TRHDE: variants seen among roughly 807,000 people sequenced by gnomAD.
TRHDE encodes thyrotropin releasing hormone degrading enzyme.
In TRHDE, 72 loss-of-function variants were observed where a neutral mutation model predicts 125.7. That is an observed-to-expected ratio of 0.57 (90% confidence interval 0.47 to 0.70). The LOEUF (loss-of-function observed/expected upper bound fraction) is 0.70. TRHDE is among the 30% of genes least tolerant of loss of function. The pLI is 0.00. For missense variants in TRHDE, 1,110 were observed against 1,327.1 expected, an observed-to-expected ratio of 0.84 and a Z score of 2.54; for synonymous variants, 509 against 509.1, an observed-to-expected ratio of 1.00 and a Z score of 0.00.
At chr12:72,388,819 G>T (rs868415395) in intron 3 of TRHDE, among the ~76,000 whole-genome samples, 16 of 151,426 alleles carry the variant, frequency 1.1e-4, no homozygotes, top group African/African-American at 3.2e-4. Flanking sequence ...CTATGGTGAG[G>T]CTATTAAAGA....
intron 3 of TRHDE, among the ~76,000 whole-genome samples, chr12:72,429,256 A>G (rs1874323799): frequency 6.6e-6 from 1 of 151,768 alleles, no homozygotes; most frequent in South Asian, 2.1e-4. Context: ...TGACAGGTTG[A>G]TGGGTGCAGC....
In TRHDE at chr12:72,666,479, A is replaced by G. The variant is rs1875117675; in HGVS notation, c.*3284A>G. 1 of 151,994 alleles carries G rather than the reference A, an allele frequency of 6.6e-6. No individual in the cohort carries two copies. The highest frequency in any genetic ancestry group is 2.4e-5 in the African/African-American group (1 of 41,398). The allele number at this position is 151,994 out of a possible 1,614,324, so 9.4% of individuals were successfully genotyped here. A position where few individuals can be genotyped will look rare whatever the true frequency, so the allele number is the denominator to read the frequency against. On this transcript the variant is annotated 3_prime_UTR_variant, in exon 19 of 19. Transcript: ENST00000261180. ...GAGGTGGGAGAATTATTTAAGTCCAAAAGTTCAGTGCTCTAGTGAGCTATG... is the reference window on the plus strand; with the variant it reads ...GAGGTGGGAGAATTATTTAAGTCCAGAAGTTCAGTGCTCTAGTGAGCTATG...
intron 2 of TRHDE, among the ~76,000 whole-genome samples, chr12:72,166,200 T>C (rs1402035623): frequency 2.0e-5 from 3 of 152,150 alleles, no homozygotes; most frequent in African/African-American, 7.2e-5. Flanking sequence ...AGAAAAAGTA[T>C]AGTAAAAATA....
At chr12:72,293,264 A>T (rs374506443) in intron 2 of TRHDE, among the ~76,000 whole-genome samples, 2 of 151,716 alleles carry the variant, frequency 1.3e-5, no homozygotes, top group Non-Finnish European at 2.9e-5. Flanking sequence ...TGTCAGATTC[A>T]TAGTTTGTGA....
At chr12:72,612,931 G>A (rs1872686632) in intron 12 of TRHDE, among the ~76,000 whole-genome samples, 1 of 152,094 alleles carries the variant, frequency 6.6e-6, no homozygotes, top group Non-Finnish European at 1.5e-5. Context: ...ATTATCTTTG[G>A]AAATACAGAA....
chr12:72,649,282 A>C (rs1215008097), intron 15 of TRHDE, among the ~76,000 whole-genome samples: 1 of 151,950 alleles, frequency 6.6e-6, no homozygotes, highest in Non-Finnish European at 1.5e-5. Flanking sequence ...AAATACACAA[A>C]AAGATAAAAA....
chr12:72,638,525 G>A (rs1176382916), intron 15 of TRHDE, among the ~76,000 whole-genome samples: 2 of 151,236 alleles, frequency 1.3e-5, no homozygotes, highest in African/African-American at 4.9e-5. Flanking sequence ...ATATTGTTAT[G>A]TGTGAATTTG....
At chr12:72,424,940 A>C (rs553590936) in intron 3 of TRHDE, among the ~76,000 whole-genome samples, 1 of 152,182 alleles carries the variant, frequency 6.6e-6, no homozygotes, top group Admixed American at 6.5e-5. Context: ...CTAAAATAAA[A>C]CTGAAATCAC....
At chr12:72,121,329 G>A (rs1460486875) in intron 2 of TRHDE, among the ~76,000 whole-genome samples, 1 of 152,160 alleles carries the variant, frequency 6.6e-6, no homozygotes, top group African/African-American at 2.4e-5. Flanking sequence ...AACCTTTCAG[G>A]TTTATGTAGG....
At chr12:72,288,329 T>C (rs1879967517) in intron 2 of TRHDE, among the ~76,000 whole-genome samples, 1 of 152,298 alleles carries the variant, frequency 6.6e-6, no homozygotes, top group South Asian at 2.1e-4. Flanking sequence ...TAAGTCATTG[T>C]GGGACCTGTT....
chr12:72,324,038 G>C (rs541892312), intron 2 of TRHDE, among the ~76,000 whole-genome samples: 6 of 152,190 alleles, frequency 3.9e-5, no homozygotes, highest in Admixed American at 1.3e-4. Context: ...ATGCCAGTTT[G>C]TTCAACACTT....
chr12:72,542,984 A>T (rs1869230166), intron 7 of TRHDE, among the ~76,000 whole-genome samples: 1 of 151,282 alleles, frequency 6.6e-6, no homozygotes, highest in Non-Finnish European at 1.5e-5. Flanking sequence ...TACTGAAAAA[A>T]CTTTTATTCC....
At chr12:72,628,888 T>C (rs566388125) in intron 15 of TRHDE, among the ~76,000 whole-genome samples, 1 of 151,932 alleles carries the variant, frequency 6.6e-6, no homozygotes, top group Non-Finnish European at 1.5e-5. Context: ...CAACTAAGCT[T>C]TTCTAAAATC....
intron 8 of TRHDE, 43 bp from the exon 9 acceptor site, chr12:72,562,810 A>G: frequency 7.8e-7 from 1 of 1,280,748 alleles, no homozygotes; most frequent in Non-Finnish European, 1.1e-6. Flanking sequence ...AATGTTGATA[A>G]TTCATGTTTA....
chr12:72,272,664 G>C lies in TRHDE; in HGVS notation c.21G>C (p.Leu7=), dbSNP rs372963681. The C allele has an allele frequency of 1.0e-3, 1,285 of 1,244,214 alleles. 6 individuals carry two copies. The African/African-American group carries it at 0.013, about 13-fold the overall frequency. 77.1% of individuals were successfully genotyped at this position (1,244,214 alleles called of 1,614,324 possible). The change falls in exon 1 of 19, where the codon CTG becomes CTC. Residue 7 remains leucine (L), a synonymous_variant. Transcript: ENST00000261180. This position sits in a 1 kb window ranked among gnomAD's most constrained non-coding sequence, Gnocchi z 6.7. MALDGE[L]GEQEEEKKKK... is the part of the protein sequence containing the mutation. Reference sequence around the variant, plus strand: ...GTGTGATGGCCCTGGACGGCGAGCTGGGGGAGCAAGAGGAGGAGAAGAAAA... The same window carrying C: ...GTGTGATGGCCCTGGACGGCGAGCTCGGGGAGCAAGAGGAGGAGAAGAAAA...
At chr12:72,351,184 G>A (rs1870565204) in intron 2 of TRHDE, among the ~76,000 whole-genome samples, 1 of 151,956 alleles carries the variant, frequency 6.6e-6, no homozygotes, top group Non-Finnish European at 1.5e-5. Context: ...CATCTTTCCT[G>A]CTTGTGATAA....
chr12:72,182,357 G>A (rs1447211141), intron 2 of TRHDE, among the ~76,000 whole-genome samples: 1 of 152,124 alleles, frequency 6.6e-6, no homozygotes, highest in Non-Finnish European at 1.5e-5. Context: ...TTGGACAGCT[G>A]GAGGCCCCAG....
At chr12:72,104,298 C>T (rs1380747990) in intron 1 of TRHDE, among the ~76,000 whole-genome samples, 19 of 151,996 alleles carry the variant, frequency 1.3e-4, no homozygotes, top group African/African-American at 3.6e-4. Context: ...TGTGAGGGTC[C>T]GAGACTCTCA....
At chr12:72,658,110 T>C (rs1592600387) in intron 18 of TRHDE, among the ~76,000 whole-genome samples, 3 of 152,322 alleles carry the variant, frequency 2.0e-5, no homozygotes, top group South Asian at 4.1e-4. Flanking sequence ...TTGTAATGAT[T>C]TGAAATTCAG....
Sources: allele counts gnomAD v4.1 joint callset (sites outside exome capture counted in the v4.1 genomes callset), GRCh38; gene constraint gnomAD v4.1.1; non-coding constraint Gnocchi (gnomAD v3.1); transcripts MANE v1.5; gene names NCBI Gene and HGNC (gene_info 2026-07-23, HGNC 2026-07-21).